The following ADGRL2 variants were observed in gnomAD, a reference collection of about 807,000 sequenced individuals.
ADGRL2 encodes the protein adhesion G protein-coupled receptor L2.
Under a neutral mutation model 157.4 loss-of-function variants are expected in ADGRL2, and 44 were observed. The observed-to-expected ratio is 0.28, with a 90% CI of 0.22 to 0.36. The LOEUF (loss-of-function observed/expected upper bound fraction) is 0.36. Ranked by LOEUF, ADGRL2 falls within the 10% of genes least tolerant of loss-of-function variation. ADGRL2 has a pLI of 1.00. For missense variants in ADGRL2, 1,510 were observed against 1,768.9 expected (o/e 0.85, Z 2.63); for synonymous variants, 585 against 624.7 (o/e 0.94, Z 0.95).
chr1:81,554,261 C>A (rs896674180), intron 2 of ADGRL2, among the ~76,000 whole-genome samples: 1 of 152,196 alleles, frequency 6.6e-6, no homozygotes, highest in Non-Finnish European at 1.5e-5. Context: ...CTGTGAATGG[C>A]CTCGTCAGCA....
At chr1:81,609,392 C>T (rs1462159398) in intron 3 of ADGRL2, among the ~76,000 whole-genome samples, 1 of 152,154 alleles carries the variant, frequency 6.6e-6, no homozygotes, top group Non-Finnish European at 1.5e-5. Context: ...CCTAAGCCCA[C>T]TTGATACAAG....
At chr1:81,731,884 A>G (rs2084736762) in intron 1 of ADGRL2, among the ~76,000 whole-genome samples, 1 of 152,232 alleles carries the variant, frequency 6.6e-6, no homozygotes, top group African/African-American at 2.4e-5. Context: ...TCAGAAAAAG[A>G]GAGAGACTCA....
At chr1:81,945,568 T>C (rs1649539369) in intron 6 of ADGRL2, among the ~76,000 whole-genome samples, 1 of 152,026 alleles carries the variant, frequency 6.6e-6, no homozygotes, top group South Asian at 2.1e-4. Flanking sequence ...ACAAAGATGG[T>C]TAGTAATGTC....
At position 81,991,345 on chromosome 1, in the gene ADGRL2, A is replaced by G; in HGVS notation, c.*200A>G. ...AAAACTTTGTATATACACAGAGTAT[A>G]CTAAAGTGAATTATTTGTTACAAAG... On this transcript the variant is annotated 3_prime_UTR_variant, in exon 24 of 24. Transcript: ENST00000686636. 1 of 404,494 alleles carries G rather than the reference A, an allele frequency of 2.5e-6. No homozygotes were observed. Among genetic ancestry groups the G allele is most frequent in the East Asian group, 3.5e-5 (1 of 28,732 alleles). 25.1% of individuals were successfully genotyped at this position (404,494 alleles called of 1,614,324 possible).
intron 2 of ADGRL2, among the ~76,000 whole-genome samples, chr1:81,771,535 A>G (rs2086368437): frequency 6.6e-6 from 1 of 152,222 alleles, no homozygotes; most frequent in Non-Finnish European, 1.5e-5. Flanking sequence ...ACTTCAATGT[A>G]TAACTAAAGA....
chr1:81,407,768 G>T (rs1415770372), intron 1 of ADGRL2, among the ~76,000 whole-genome samples: 1 of 152,172 alleles, frequency 6.6e-6, no homozygotes, highest in Non-Finnish European at 1.5e-5. Flanking sequence ...TTGATGGTAT[G>T]CACATAAGAA....
chr1:81,456,941 C>A (rs1282994143), intron 2 of ADGRL2, among the ~76,000 whole-genome samples: 2 of 152,012 alleles, frequency 1.3e-5, no homozygotes, highest in Non-Finnish European at 2.9e-5. Flanking sequence ...ATTCTTCTCC[C>A]TTCCTCTCTT....
intron 1 of ADGRL2, among the ~76,000 whole-genome samples, chr1:81,743,904 A>C (rs1164208306): frequency 6.6e-6 from 1 of 152,142 alleles, no homozygotes; most frequent in African/African-American, 2.4e-5. Flanking sequence ...TTTTTGTAAT[A>C]TAGCAGTTAT....
In ADGRL2 at chr1:81,423,226, C is replaced by A. The variant is rs974187122; in HGVS notation, c.-301-21810C>A. 3.3e-5 allele frequency among the ~76,000 whole-genome samples: 5 copies of A among 152,242 alleles called. 1 individual carries two copies. In the East Asian group the frequency reaches 9.6e-4, roughly 29 times the overall value. The stretch of plus-strand genomic sequence containing the variant: ...ACAATTTTGACAAAATTAAACTTAA[C>A]CCTATGGGATATGGTTATCCCCATG... On this transcript the variant is annotated intron_variant, in intron 1 of 24. Coordinates refer to the ADGRL2 transcript ENST00000370721.
chr1:81,961,165 G>A (rs1158680994), intron 11 of ADGRL2, among the ~76,000 whole-genome samples: 7 of 152,144 alleles, frequency 4.6e-5, no homozygotes, highest in Admixed American at 6.5e-5. Context: ...AGTGAACCAA[G>A]TGTATTCATG....
intron 2 of ADGRL2, among the ~76,000 whole-genome samples, chr1:81,467,952 A>C (rs2101848511): frequency 6.6e-6 from 1 of 152,274 alleles, no homozygotes; most frequent in Non-Finnish European, 1.5e-5. Context: ...GGAACAGAAA[A>C]ATTTAAATGT....
chr1:81,471,577 T>C (rs1230918879), intron 2 of ADGRL2, among the ~76,000 whole-genome samples: 3 of 152,236 alleles, frequency 2.0e-5, no homozygotes, highest in Non-Finnish European at 4.4e-5. Context: ...ATAATATTTA[T>C]GGAATTTACT....
rs187949253 is a variant in ADGRL2, at chr1:81,722,063, C to A, written c.-143+22255C>A. 9 of 390,318 alleles carry A rather than the reference C, an allele frequency of 2.3e-5. No homozygotes were observed. In the East Asian group the frequency reaches 5.2e-4, roughly 23 times the overall value. The allele number at this position is 390,318 out of a possible 1,614,324, so 24.2% of individuals were successfully genotyped here. The stretch of plus-strand genomic sequence containing the variant: ...ATCGCAGCACTTTGGGAGGCCGAGG[C>A]GGGCGGATCACGAGGTCAGGAGATC... On this transcript the variant is annotated intron_variant, in intron 1 of 20. Coordinates refer to the ADGRL2 transcript ENST00000359929.
intron 1 of ADGRL2, among the ~76,000 whole-genome samples, chr1:81,378,143 C>T (rs2076281891): frequency 6.6e-6 from 1 of 151,570 alleles, no homozygotes; most frequent in Non-Finnish European, 1.5e-5. Flanking sequence ...CGTGCCACTG[C>T]ACTCCATCTT....
intron 2 of ADGRL2, among the ~76,000 whole-genome samples, chr1:81,785,232 GT>G (rs1316294691): frequency 6.6e-6 from 1 of 152,070 alleles, no homozygotes; most frequent in African/African-American, 2.4e-5. Context: ...GTAGGCAGGA[GT>G]TTGTGTGCCC....
chr1:81,967,279 T>G (rs200080301), intron 13 of ADGRL2, among the ~76,000 whole-genome samples: 2 of 136,536 alleles, frequency 1.5e-5, no homozygotes, highest in Non-Finnish European at 3.2e-5. Context: ...TTTTTTTTTT[T>G]GAGACAGAGT....
intron 2 of ADGRL2, among the ~76,000 whole-genome samples, chr1:81,477,674 A>C (rs1251667365): frequency 6.6e-6 from 1 of 152,266 alleles, no homozygotes; most frequent in Non-Finnish European, 1.5e-5. Context: ...AAACAGATGC[A>C]TGCAGCCATT....
rs148172726 is a variant in ADGRL2, at chr1:81,533,902, G to A, written c.-247-46974G>A. On this transcript the variant is annotated intron_variant, in intron 2 of 24. Coordinates refer to the ADGRL2 transcript ENST00000370721. Reference sequence around the variant, plus strand: ...TTTGCCCATTTGTGTGAGTCTTGACGCCTTCCTAGCCTAAAAGAAAATAGA... The same window carrying A: ...TTTGCCCATTTGTGTGAGTCTTGACACCTTCCTAGCCTAAAAGAAAATAGA... Among the ~76,000 whole-genome samples, 295 of 152,188 alleles carry A rather than the reference G, an allele frequency of 1.9e-3. 1 individual carries two copies. Among genetic ancestry groups the A allele is most frequent in the African/African-American group, 6.1e-3 (254 of 41,520 alleles).
At chr1:81,619,924 C>T (rs1255501392) in intron 3 of ADGRL2, among the ~76,000 whole-genome samples, 1 of 142,570 alleles carries the variant, frequency 7.0e-6, no homozygotes, top group Non-Finnish European at 1.5e-5. Flanking sequence ...CTTCTCTGTG[C>T]CTCAGTTTCC....
Sources: allele counts gnomAD v4.1 joint callset (sites outside exome capture counted in the v4.1 genomes callset), GRCh38; gene constraint gnomAD v4.1.1; transcripts MANE v1.5; gene names NCBI Gene and HGNC (gene_info 2026-07-23, HGNC 2026-07-21).